VIT: variants seen among roughly 807,000 people sequenced by gnomAD.
The protein encoded by VIT is vitrin.
Under a neutral mutation model 78.0 loss-of-function variants are expected in VIT, and 99 were observed. That is an observed-to-expected ratio of 1.27 (90% CI 1.08 to 1.50). The LOEUF (loss-of-function observed/expected upper bound fraction) is 1.50. VIT is among the 40% of genes most tolerant of loss of function. The probability of loss-of-function intolerance (pLI) is 0.00; values close to 1 mark genes in which losing one functional copy is unlikely to be tolerated. For synonymous variants in VIT, 374 were observed against 334.3 expected, an observed-to-expected ratio of 1.12 and a Z score of -1.29; for missense variants, 1,126 against 875.3, an observed-to-expected ratio of 1.29 and a Z score of -3.61.
At chr2:36,712,963 A>C (rs950675795) in intron 1 of VIT, among the ~76,000 whole-genome samples, 5 of 152,226 alleles carry the variant, frequency 3.3e-5, no homozygotes, top group Non-Finnish European at 7.3e-5. Flanking sequence ...TCACACATTG[A>C]TTCAACACAT....
At chr2:36,781,181 C>T (rs892640191) in intron 9 of VIT, among the ~76,000 whole-genome samples, 4 of 152,070 alleles carry the variant, frequency 2.6e-5, no homozygotes, top group Non-Finnish European at 1.5e-5. Flanking sequence ...AGTGTAGTTC[C>T]AAGGAAGGGA....
At chr2:36,775,150 C>T in intron 9 of VIT, 83 bp downstream of exon 9, 1 of 1,517,238 alleles carries the variant, frequency 6.6e-7, no homozygotes, top group South Asian at 1.2e-5. Context: ...TCCCCACACA[C>T]TTGTTCTTGG....
intron 13 of VIT, among the ~76,000 whole-genome samples, chr2:36,804,237 C>T (rs571905998): frequency 1.3e-5 from 2 of 152,354 alleles, no homozygotes; most frequent in East Asian, 1.9e-4. Flanking sequence ...CAGGGCCACA[C>T]AGCTAGCAGG....
intron 12 of VIT, among the ~76,000 whole-genome samples, chr2:36,800,849 C>T (rs560539627): frequency 2.0e-5 from 3 of 152,250 alleles, no homozygotes; most frequent in African/African-American, 7.2e-5. Flanking sequence ...CCACTATTCA[C>T]GTGCAATTCC....
intron 1 of VIT, among the ~76,000 whole-genome samples, chr2:36,709,850 T>A (rs192898837): frequency 7.9e-5 from 12 of 152,120 alleles, no homozygotes; most frequent in Admixed American, 3.9e-4. Context: ...TCATGAAGAG[T>A]TTGTAATGCC....
At chr2:36,794,469 C>A (rs17019813) in intron 12 of VIT, among the ~76,000 whole-genome samples, 14,014 of 152,144 alleles carry the variant, frequency 0.092, 1,911 homozygotes, top group African/African-American at 0.3. Context: ...GCTAATCAGG[C>A]CATCAACCTA....
intron 3 of VIT, among the ~76,000 whole-genome samples, chr2:36,734,855 A>G (rs1027204917): frequency 1.3e-5 from 2 of 152,176 alleles, no homozygotes; most frequent in Admixed American, 6.5e-5. Flanking sequence ...TGGACCAAGA[A>G]GGTAATACTT....
At chr2:36,812,252 A>G (rs1463350640) in intron 15 of VIT, among the ~76,000 whole-genome samples, 1 of 152,156 alleles carries the variant, frequency 6.6e-6, no homozygotes, top group Admixed American at 6.5e-5. Context: ...CACGTGAGGT[A>G]TGCACGGCTC....
At chr2:36,797,520 A>G (rs1479761515) in intron 12 of VIT, among the ~76,000 whole-genome samples, 1 of 152,214 alleles carries the variant, frequency 6.6e-6, no homozygotes, top group East Asian at 1.9e-4. Context: ...TCAGAGAGGA[A>G]GGCAGATGGG....
intron 10 of VIT, 110 bp from the exon 11 acceptor site, chr2:36,783,230 A>C: frequency 1.0e-6 from 1 of 981,898 alleles, no homozygotes; most frequent in Middle Eastern, 3.2e-4. Context: ...AGTTAGCTTT[A>C]AGCCAAGCCC....
At chr2:36,750,422 C>T (rs1177816340) in intron 4 of VIT, among the ~76,000 whole-genome samples, 2 of 152,272 alleles carry the variant, frequency 1.3e-5, no homozygotes, top group African/African-American at 2.4e-5. Flanking sequence ...CTAGATGATT[C>T]GTTCTTGCTT....
At chr2:36,773,524 G>C (rs1669876965) in intron 7 of VIT, among the ~76,000 whole-genome samples, 1 of 152,062 alleles carries the variant, frequency 6.6e-6, no homozygotes, top group Non-Finnish European at 1.5e-5. Flanking sequence ...GAGGTCAGGA[G>C]TTCAAGACCA....
intron 9 of VIT, among the ~76,000 whole-genome samples, chr2:36,777,632 A>AT (rs1415843038): frequency 6.6e-6 from 1 of 152,090 alleles, no homozygotes; most frequent in Admixed American, 6.5e-5. Context: ...AGTCGCTGGG[A>AT]TTTTTTATCA....
intron 12 of VIT, chr2:36,787,708 CA>C: frequency 1.1e-5 from 4 of 374,828 alleles, no homozygotes; most frequent in South Asian, 8.2e-5. Context: ...CCCTGTGCTA[CA>C]ACCTATCCAC....
At chr2:36,735,761 T>C (rs908410531) in intron 3 of VIT, among the ~76,000 whole-genome samples, 2 of 152,202 alleles carry the variant, frequency 1.3e-5, no homozygotes, top group African/African-American at 2.4e-5. Flanking sequence ...AGAAGATCAT[T>C]GTGTCTCCAT....
chr2:36,778,101 G>A (rs1670179525), intron 9 of VIT, among the ~76,000 whole-genome samples: 11 of 152,168 alleles, frequency 7.2e-5, no homozygotes, highest in Admixed American at 7.2e-4. Flanking sequence ...CTCATATGAA[G>A]GGGATCTGTT....
intron 10 of VIT, 28 bp downstream of exon 10, chr2:36,781,799 A>G (rs1352155627): frequency 1.2e-6 from 2 of 1,613,854 alleles, no homozygotes; most frequent in Non-Finnish European, 1.7e-6. Context: ...CCTCTCAGCC[A>G]CGCGTGGATC....
intron 5 of VIT, among the ~76,000 whole-genome samples, chr2:36,757,688 G>A (rs888460655): frequency 6.6e-6 from 1 of 152,164 alleles, no homozygotes; most frequent in Admixed American, 6.5e-5. Flanking sequence ...CCAAACACGT[G>A]GCATTTATAG....
chr2:36,776,718 C>G (rs564253803), intron 9 of VIT, among the ~76,000 whole-genome samples: 1 of 152,058 alleles, frequency 6.6e-6, no homozygotes, highest in African/African-American at 2.4e-5. Flanking sequence ...TCACTTAAAC[C>G]TGGGAGGCCG....
Sources: allele counts gnomAD v4.1 joint callset (sites outside exome capture counted in the v4.1 genomes callset), GRCh38; gene constraint gnomAD v4.1.1; transcripts MANE v1.5; gene names NCBI Gene and HGNC (gene_info 2026-07-23, HGNC 2026-07-21).